The following PRKCE variants were observed in gnomAD, a reference collection of about 807,000 sequenced individuals.
PRKCE encodes protein kinase C epsilon.
PRKCE carries 16 observed loss-of-function variants against 85.4 expected under a neutral mutation model. The observed-to-expected ratio is 0.19, with a 90% CI of 0.13 to 0.28. The LOEUF (loss-of-function observed/expected upper bound fraction) is 0.28. Ranked by LOEUF, PRKCE falls within the 10% of genes least tolerant of loss-of-function variation. The pLI is 1.00. For synonymous variants in PRKCE, 388 were observed against 371.5 expected, an observed-to-expected ratio of 1.04 and a Z score of -0.51; for missense variants, 573 against 975.2, an observed-to-expected ratio of 0.59 and a Z score of 5.49.
At chr2:45,871,712 T>G (rs1694100983) in intron 2 of PRKCE, among the ~76,000 whole-genome samples, 1 of 152,142 alleles carries the variant, frequency 6.6e-6, no homozygotes, top group African/African-American at 2.4e-5. Flanking sequence ...AGCAGCAGCT[T>G]TAGAAGCCAG....
intron 10 of PRKCE, among the ~76,000 whole-genome samples, chr2:46,033,971 A>G (rs1198717211): frequency 2.0e-5 from 3 of 152,224 alleles, no homozygotes; most frequent in Non-Finnish European, 2.9e-5. Context: ...CCTATGTTTC[A>G]GTTTAGAGAA....
Position 45,711,003 on chromosome 2 carries a change from A to G in PRKCE, c.348+58555A>G, listed in dbSNP as rs551730850. On this transcript the variant is annotated intron_variant, in intron 1 of 14. Transcript: ENST00000306156. ...CATCTGATCTCTCACTATTCTAAGT[A>G]TTCAGTCTTTTTTCAGGTTGCTGCC... 2.6e-5 allele frequency among the ~76,000 whole-genome samples: 4 copies of G among 152,332 alleles called. No individual in the cohort carries two copies. In the South Asian group the frequency reaches 8.3e-4, roughly 32 times the overall value.
At chr2:45,718,339 C>CTT (rs10708579) in intron 1 of PRKCE, among the ~76,000 whole-genome samples, 42 of 83,332 alleles carry the variant, frequency 5.0e-4, no homozygotes, top group Non-Finnish European at 6.6e-4. Flanking sequence ...CAAATGCTTA[C>CTT]TTTTTTTTTT....
At chr2:46,039,713 T>C (rs1229767436) in intron 10 of PRKCE, among the ~76,000 whole-genome samples, 1 of 152,196 alleles carries the variant, frequency 6.6e-6, no homozygotes, top group African/African-American at 2.4e-5. Context: ...TTTCCTGTTG[T>C]TTATTCCAGA....
At chr2:46,141,577 A>G (rs1478079576) in intron 11 of PRKCE, among the ~76,000 whole-genome samples, 1 of 152,188 alleles carries the variant, frequency 6.6e-6, no homozygotes, top group East Asian at 1.9e-4. Flanking sequence ...AACACATGAA[A>G]GTATTACCTA....
intron 10 of PRKCE, among the ~76,000 whole-genome samples, chr2:46,059,592 C>T (rs1468508671): frequency 6.6e-6 from 1 of 152,214 alleles, no homozygotes; most frequent in Non-Finnish European, 1.5e-5. Context: ...TTCTAATATT[C>T]TAAGCAGATT....
intron 10 of PRKCE, chr2:46,010,859 A>G: frequency 6.6e-7 from 1 of 1,518,804 alleles, no homozygotes. Context: ...TAATCAAATC[A>G]CTTAACTTCT....
chr2:45,930,424 T>A lies in PRKCE; in HGVS notation c.413-46005T>A, dbSNP rs183297323. Among the ~76,000 whole-genome samples, 59 of 152,322 alleles carry A rather than the reference T, an allele frequency of 3.9e-4. 1 individual carries two copies. The highest frequency in any genetic ancestry group is 1.3e-3 in the African/African-American group (52 of 41,566). On this transcript the variant is annotated intron_variant, in intron 2 of 14. Coordinates refer to ENST00000306156, the MANE Select transcript of PRKCE (RefSeq NM_005400.3). ...AAAGTGCCTGGTGGCTCATGTTGGATGCTTAATAAATCTTACAAACATAAG... is the reference window on the plus strand; with the variant it reads ...AAAGTGCCTGGTGGCTCATGTTGGAAGCTTAATAAATCTTACAAACATAAG...
chr2:45,894,142 T>C (rs116620409), intron 2 of PRKCE, among the ~76,000 whole-genome samples: 1 of 152,148 alleles, frequency 6.6e-6, no homozygotes, highest in Non-Finnish European at 1.5e-5. Context: ...CAATAGTGCA[T>C]GTCTGTTGAC....
At chr2:45,811,533 G>A (rs1255711053) in intron 1 of PRKCE, among the ~76,000 whole-genome samples, 1 of 152,198 alleles carries the variant, frequency 6.6e-6, no homozygotes, top group African/African-American at 2.4e-5. Context: ...GACTCACCCT[G>A]CGTTGTAATT....
chr2:45,858,413 T>A (rs1403859492), intron 2 of PRKCE, among the ~76,000 whole-genome samples: 1 of 152,198 alleles, frequency 6.6e-6, no homozygotes, highest in Non-Finnish European at 1.5e-5. Context: ...CCTCTGTGAT[T>A]TGTTTCCCTT....
At chr2:45,792,164 G>A (rs939577602) in intron 1 of PRKCE, among the ~76,000 whole-genome samples, 8 of 152,162 alleles carry the variant, frequency 5.3e-5, no homozygotes, top group Non-Finnish European at 1.0e-4. Context: ...CATGGCAGAA[G>A]GGCAAAGGGG....
At chr2:45,817,855 C>A (rs1573476444) in intron 1 of PRKCE, among the ~76,000 whole-genome samples, 1 of 152,202 alleles carries the variant, frequency 6.6e-6, no homozygotes, top group Non-Finnish European at 1.5e-5. Context: ...TCTGCCTGCC[C>A]TCTGAAGGTG....
chr2:45,778,816 GCTC>G (rs777926891), intron 1 of PRKCE, among the ~76,000 whole-genome samples: 6 of 152,272 alleles, frequency 3.9e-5, no homozygotes, highest in South Asian at 2.1e-4. Context: ...GACCTTCGGA[GCTC>G]CTCCTCCTGA....
intron 2 of PRKCE, among the ~76,000 whole-genome samples, chr2:45,890,358 C>A (rs1220933626): frequency 1.3e-5 from 2 of 151,978 alleles, no homozygotes; most frequent in East Asian, 3.9e-4. Context: ...CTCTCTGTTC[C>A]TTCTGTTTCT....
At chr2:45,962,910 G>T (rs1248984269) in intron 2 of PRKCE, among the ~76,000 whole-genome samples, 3 of 151,936 alleles carry the variant, frequency 2.0e-5, no homozygotes, top group African/African-American at 7.3e-5. Context: ...CTCTCTCCAT[G>T]TGCAGAGTTT....
intron 14 of PRKCE, among the ~76,000 whole-genome samples, chr2:46,167,132 C>G (rs540432752): frequency 6.6e-6 from 1 of 152,182 alleles, no homozygotes; most frequent in Non-Finnish European, 1.5e-5. Flanking sequence ...CTCCAAGAAT[C>G]AAGAGTTAAG....
chr2:45,850,364 G>A (rs6756452), intron 2 of PRKCE, among the ~76,000 whole-genome samples: 26,533 of 152,150 alleles, frequency 0.17, 3,449 homozygotes, highest in African/African-American at 0.37. Flanking sequence ...ATGACCTCTA[G>A]TTCTATCTCC....
At chr2:46,092,726 A>G (rs1339788159) in intron 11 of PRKCE, among the ~76,000 whole-genome samples, 3 of 152,154 alleles carry the variant, frequency 2.0e-5, no homozygotes, top group Non-Finnish European at 4.4e-5. Flanking sequence ...TGTGCCCTCC[A>G]AACCAGGCCT....
Sources: allele counts gnomAD v4.1 joint callset (sites outside exome capture counted in the v4.1 genomes callset), GRCh38; gene constraint gnomAD v4.1.1; transcripts MANE v1.5; gene names NCBI Gene and HGNC (gene_info 2026-07-23, HGNC 2026-07-21).